MBD2: variants seen among roughly 807,000 people sequenced by gnomAD.
MBD2 encodes methyl-CpG binding domain protein 2, also known as methyl-CpG-binding domain protein 2.
In MBD2, 9 loss-of-function variants were observed where a neutral mutation model predicts 39.3. The observed-to-expected ratio is 0.23, with a 90% CI of 0.14 to 0.40. The LOEUF is 0.40. MBD2 is among the 10% of genes least tolerant of loss of function. The pLI is 1.00. For missense variants in MBD2, 458 were observed against 532.6 expected (o/e 0.86, Z 1.38); for synonymous variants, 233 against 211.1 (o/e 1.10, Z -0.90).
intron 1 of MBD2, 115 bp from the exon 2 acceptor site, chr18:54,205,272 A>T: frequency 1.0e-6 from 1 of 1,002,068 alleles, no homozygotes; most frequent in Admixed American, 2.8e-5. Context: ...ACATATTTTT[A>T]AAGAAATGTT....
At chr18:54,195,256 A>G (rs2086356312) in intron 2 of MBD2, among the ~76,000 whole-genome samples, 1 of 152,104 alleles carries the variant, frequency 6.6e-6, no homozygotes, top group Non-Finnish European at 1.5e-5. Context: ...TTTGAAATAA[A>G]GTGATATGAC....
At chr18:54,162,219 T>C (rs969827218) in intron 5 of MBD2, among the ~76,000 whole-genome samples, 4 of 152,248 alleles carry the variant, frequency 2.6e-5, no homozygotes, top group Non-Finnish European at 5.9e-5. Context: ...AATAAATGGG[T>C]ATTGTTTTAA....
intron 2 of MBD2, chr18:54,203,151 T>G (rs769681192): frequency 6.2e-7 from 1 of 1,604,160 alleles, no homozygotes; most frequent in African/African-American, 1.3e-5. Context: ...TAGTGTTTGG[T>G]TTTTGATGAA....
chr18:54,200,934 G>T (rs2086402702), intron 2 of MBD2, among the ~76,000 whole-genome samples: 1 of 152,066 alleles, frequency 6.6e-6, no homozygotes, highest in African/African-American at 2.4e-5. Flanking sequence ...CAAAAAATTA[G>T]CTGGGCGTGG....
At chr18:54,168,228 A>T (rs1370898088) in intron 3 of MBD2, among the ~76,000 whole-genome samples, 1 of 151,870 alleles carries the variant, frequency 6.6e-6, no homozygotes, top group Non-Finnish European at 1.5e-5. Context: ...ATATTAAAAA[A>T]TAATTTGTTT....
At chr18:54,220,988 T>C (rs78341092) in intron 1 of MBD2, among the ~76,000 whole-genome samples, 4,882 of 152,294 alleles carry the variant, frequency 0.032, 258 homozygotes, top group African/African-American at 0.11. Flanking sequence ...TGGCCCTGAA[T>C]GAAACAGGTT....
intron 5 of MBD2, among the ~76,000 whole-genome samples, chr18:54,161,843 G>C (rs994870760): frequency 6.7e-6 from 1 of 149,888 alleles, no homozygotes; most frequent in Non-Finnish European, 1.5e-5. Flanking sequence ...ATCTCTCCAT[G>C]ATTAGGTTAC....
chr18:54,218,691 G>A (rs1332446085), intron 1 of MBD2, among the ~76,000 whole-genome samples: 1 of 152,146 alleles, frequency 6.6e-6, no homozygotes, highest in Admixed American at 6.5e-5. Context: ...GGCTGGGCGC[G>A]GTGGCTCACG....
intron 2 of MBD2, among the ~76,000 whole-genome samples, chr18:54,197,644 T>C (rs1458900573): frequency 6.6e-6 from 1 of 152,206 alleles, no homozygotes; most frequent in African/African-American, 2.4e-5. Context: ...TTTTGTGTTA[T>C]GCTCTACACA....
At chr18:54,208,945 G>A (rs2086476144) in intron 1 of MBD2, among the ~76,000 whole-genome samples, 2 of 152,164 alleles carry the variant, frequency 1.3e-5, no homozygotes. Flanking sequence ...TAGATTAGCA[G>A]TTCATCAGCA....
At chr18:54,167,547 G>C (rs2086143154) in intron 3 of MBD2, among the ~76,000 whole-genome samples, 1 of 152,208 alleles carries the variant, frequency 6.6e-6, no homozygotes, top group South Asian at 2.1e-4. Flanking sequence ...GCCACTCTGA[G>C]GGCTTTTGGG....
chr18:54,185,009 T>C (rs545606584), intron 3 of MBD2, among the ~76,000 whole-genome samples: 11 of 152,184 alleles, frequency 7.2e-5, no homozygotes, highest in Non-Finnish European at 1.5e-4. Context: ...GAAATAACTG[T>C]TAGAGATTAG....
chr18:54,211,028 C>A (rs566753096), intron 1 of MBD2, among the ~76,000 whole-genome samples: 1 of 150,872 alleles, frequency 6.6e-6, no homozygotes, highest in African/African-American at 2.4e-5. Context: ...CCCGCCACTA[C>A]GCCCGGCTAA....
rs1293262814 is a variant in MBD2 at position 54,159,855 on chromosome 18, T to A, written c.1158A>T (p.Ala386=). Residue 386 remains alanine, a synonymous_variant, in exon 6 of 7, where the codon GCA becomes GCT. Transcript: ENST00000256429. The part of the protein sequence containing the change: ...VQQVRKKLEE[A]LMADILSRAA... ...CTCGCGACAAGATGTCTGCCATCAG[T>A]GCTTCTTCCAATTTCTTGCGTACTT... 6.2e-7 allele frequency: 1 copy of A among 1,613,024 alleles called. No individual in the cohort carries two copies. The highest frequency in any genetic ancestry group is 8.5e-7 in the Non-Finnish European group (1 of 1,180,014).
intron 3 of MBD2, among the ~76,000 whole-genome samples, chr18:54,181,293 C>T (rs1433996456): frequency 2.0e-5 from 3 of 152,176 alleles, no homozygotes; most frequent in Admixed American, 6.5e-5. Context: ...TGGGCTCTAG[C>T]CCATCATCTT....
At chr18:54,187,816 A>G (rs561230747) in intron 3 of MBD2, 1 of 985,848 alleles carries the variant, frequency 1.0e-6, no homozygotes, top group African/African-American at 1.7e-5. Context: ...GGCTCCAAAT[A>G]TCTTCTGTTT....
At chr18:54,203,425 AC>A (rs543368631) in intron 2 of MBD2, among the ~76,000 whole-genome samples, 124 of 152,276 alleles carry the variant, frequency 8.1e-4, no homozygotes, top group African/African-American at 2.9e-3. Context: ...CAAGGTCCTA[AC>A]TTTTGCTAAC....
At chr18:54,197,974 A>G (rs1048197771) in intron 2 of MBD2, among the ~76,000 whole-genome samples, 1 of 152,218 alleles carries the variant, frequency 6.6e-6, no homozygotes, top group African/African-American at 2.4e-5. Context: ...CAGTTGAGCA[A>G]GACTTTAATA....
chr18:54,197,373 A>C (rs536546637), intron 2 of MBD2, among the ~76,000 whole-genome samples: 6 of 151,222 alleles, frequency 4.0e-5, no homozygotes, highest in East Asian at 3.9e-4. Flanking sequence ...ACCTAGTACT[A>C]CTCCTCCACT....
Sources: gnomAD v4.1 joint callset for allele counts (sites outside exome capture counted in the v4.1 genomes callset) on GRCh38, gnomAD v4.1.1 for gene constraint, MANE v1.5 for transcripts, NCBI Gene and HGNC (gene_info 2026-07-23, HGNC 2026-07-21) for gene names.